PTPRK: variants seen among roughly 807,000 people sequenced by gnomAD.
PTPRK encodes receptor-type tyrosine-protein phosphatase kappa.
In PTPRK, 75 loss-of-function variants were observed where a neutral mutation model predicts 178.0. That is an observed-to-expected ratio of 0.42 (90% CI 0.35 to 0.51). The LOEUF (loss-of-function observed/expected upper bound fraction) is 0.51. Among genes scored for constraint, PTPRK ranks in the 20% least tolerant of loss-of-function variants. The pLI, the probability that PTPRK is intolerant of heterozygous loss-of-function variation, is 0.02. For synonymous variants in PTPRK, 637 were observed against 620.6 expected (o/e 1.03, Z -0.39); for missense variants, 1,441 against 1,797.8 (o/e 0.80, Z 3.59).
At chr6:128,390,844 A>C (rs1839447890) in intron 2 of PTPRK, among the ~76,000 whole-genome samples, 1 of 152,192 alleles carries the variant, frequency 6.6e-6, no homozygotes, top group African/African-American at 2.4e-5. Context: ...AGTAAAACTC[A>C]GTAAGTGACC....
chr6:128,520,226 G>A, intron 1 of PTPRK, 33 bp downstream of exon 1: 1 of 1,546,884 alleles, frequency 6.5e-7, no homozygotes, highest in Non-Finnish European at 8.8e-7. Context: ...CAGGACTCCA[G>A]GCGTTCGTCG....
At chr6:128,387,278 C>G (rs1354452280) in intron 2 of PTPRK, among the ~76,000 whole-genome samples, 1 of 152,146 alleles carries the variant, frequency 6.6e-6, no homozygotes, top group East Asian at 1.9e-4. Flanking sequence ...ATCTGAGTCA[C>G]TAATTACCAC....
rs1230222299 is a variant in PTPRK, at chr6:128,519,436, G to A, written c.100+823C>T. 2.0e-5 allele frequency among the ~76,000 whole-genome samples: 3 copies of A among 152,288 alleles called. No individual in the cohort carries two copies. The East Asian group carries it at 5.8e-4, about 30-fold the overall frequency. The stretch of plus-strand genomic sequence containing the variant: ...GGCAGAAGGCAGACATTTACAGTCC[G>A]CTTCCAGCCCCAGGCCGGATCCGGG... On this transcript the variant is annotated intron_variant, in intron 1 of 29. Transcript: ENST00000368226. The surrounding 1 kb of genome is among the most constrained non-coding windows in gnomAD (Gnocchi z 4.3).
chr6:128,500,179 T>C (rs1417296907), intron 1 of PTPRK, among the ~76,000 whole-genome samples: 3 of 152,240 alleles, frequency 2.0e-5, no homozygotes, highest in African/African-American at 4.8e-5. Context: ...GTTGTCATTA[T>C]GTCATCAGGC....
intron 2 of PTPRK, among the ~76,000 whole-genome samples, chr6:128,335,677 T>A (rs1830822401): frequency 6.6e-6 from 1 of 151,938 alleles, no homozygotes; most frequent in South Asian, 2.1e-4. Flanking sequence ...GATCCTAGGA[T>A]ATAAAAAAGT....
chr6:128,321,918 G>T (rs1400771273), intron 3 of PTPRK, 121 bp downstream of exon 3: 2 of 1,270,920 alleles, frequency 1.6e-6, no homozygotes, highest in Admixed American at 3.7e-5. Flanking sequence ...CAATAATGGG[G>T]GTGGGGGAGG....
intron 5 of PTPRK, among the ~76,000 whole-genome samples, chr6:128,227,175 A>G (rs1485274410): frequency 6.6e-6 from 1 of 152,168 alleles, no homozygotes; most frequent in Non-Finnish European, 1.5e-5. Context: ...CAAAGAAACA[A>G]ACAAAGAAAC....
At chr6:128,150,425 T>A (rs1407420856) in intron 7 of PTPRK, among the ~76,000 whole-genome samples, 5 of 152,112 alleles carry the variant, frequency 3.3e-5, no homozygotes, top group Admixed American at 6.6e-5. Flanking sequence ...TAAATTGGTA[T>A]ATGTCCTACA....
chr6:128,465,428 T>C (rs965163509), intron 1 of PTPRK, among the ~76,000 whole-genome samples: 1 of 152,150 alleles, frequency 6.6e-6, no homozygotes. Flanking sequence ...ATTCTTATTA[T>C]AAAATATTTG....
intron 7 of PTPRK, among the ~76,000 whole-genome samples, chr6:128,100,803 G>C (rs71565678): frequency 0.015 from 2,269 of 152,092 alleles, 28 homozygotes; most frequent in South Asian, 0.042. Flanking sequence ...GCTCGAGCCA[G>C]TCTACAGGGT....
At chr6:128,205,636 T>TG (rs1371971192) in intron 6 of PTPRK, among the ~76,000 whole-genome samples, 1 of 150,758 alleles carries the variant, frequency 6.6e-6, no homozygotes, top group Non-Finnish European at 1.5e-5. Context: ...TTGGGAGTGG[T>TG]GGGGGGCACC....
chr6:128,479,276 T>A (rs770987436), intron 1 of PTPRK, among the ~76,000 whole-genome samples: 35 of 152,050 alleles, frequency 2.3e-4, no homozygotes, highest in African/African-American at 6.5e-4. Flanking sequence ...AAAAAAAAAA[T>A]TCTGCATTTT....
At chr6:128,041,565 C>A (rs943373519) in intron 13 of PTPRK, among the ~76,000 whole-genome samples, 4 of 151,946 alleles carry the variant, frequency 2.6e-5, no homozygotes, top group Non-Finnish European at 5.9e-5. Context: ...TACCATAATA[C>A]TGCAATAAAA....
intron 5 of PTPRK, among the ~76,000 whole-genome samples, chr6:128,224,179 AG>A (rs1810887144): frequency 6.6e-6 from 1 of 152,182 alleles, no homozygotes; most frequent in Non-Finnish European, 1.5e-5. Context: ...ATATGATCCA[AG>A]GGATTATAAC....
intron 1 of PTPRK, among the ~76,000 whole-genome samples, chr6:128,458,189 T>G (rs796919105): frequency 1.3e-4 from 20 of 152,214 alleles, no homozygotes; most frequent in African/African-American, 4.6e-4. Context: ...ATAAGAAAAT[T>G]GATCTCCCCA....
intron 3 of PTPRK, 118 bp downstream of exon 3, chr6:128,321,921 G>A: frequency 7.7e-7 from 1 of 1,303,596 alleles, no homozygotes; most frequent in South Asian, 1.2e-5. Flanking sequence ...TAATGGGGGT[G>A]GGGGAGGCAA....
chr6:128,462,644 T>TATTG (rs1181409648), intron 1 of PTPRK, among the ~76,000 whole-genome samples: 1 of 149,798 alleles, frequency 6.7e-6, no homozygotes. Context: ...TTTATTTATT[T>TATTG]ATTTATTTAT....
chr6:128,162,448 G>T (rs989353798), intron 7 of PTPRK, among the ~76,000 whole-genome samples: 1 of 151,410 alleles, frequency 6.6e-6, no homozygotes, highest in Non-Finnish European at 1.5e-5. Context: ...CCAGAATGTG[G>T]GTATAGCTCA....
chr6:128,395,264 T>C (rs897906995), intron 2 of PTPRK, among the ~76,000 whole-genome samples: 4 of 152,194 alleles, frequency 2.6e-5, no homozygotes, highest in Non-Finnish European at 5.9e-5. Flanking sequence ...GACTAAACAC[T>C]GTTTCATTCG....
Sources: gnomAD v4.1 joint callset for allele counts (sites outside exome capture counted in the v4.1 genomes callset) on GRCh38, gnomAD v4.1.1 for gene constraint, Gnocchi (gnomAD v3.1) non-coding constraint, MANE v1.5 for transcripts, NCBI Gene and HGNC (gene_info 2026-07-23, HGNC 2026-07-21) for gene names.